MBD5: variants seen among roughly 807,000 people sequenced by gnomAD.
MBD5 encodes methyl-CpG binding domain protein 5.
A neutral mutation model predicts 117.3 loss-of-function variants in MBD5; 13 were observed. That is an observed-to-expected ratio of 0.11 (90% CI 0.07 to 0.18). The LOEUF is 0.18. MBD5 is among the 10% of genes least tolerant of loss of function. The probability of loss-of-function intolerance (pLI) is 1.00; values close to 1 mark genes in which losing one functional copy is unlikely to be tolerated. For missense variants in MBD5, 1,879 were observed against 2,093.8 expected (o/e 0.90, Z 2.00); for synonymous variants, 727 against 766.4 (o/e 0.95, Z 0.85).
At chr2:148,200,155 T>G (rs1456562721) in intron 2 of MBD5, among the ~76,000 whole-genome samples, 1 of 152,148 alleles carries the variant, frequency 6.6e-6, no homozygotes, top group Non-Finnish European at 1.5e-5. Context: ...CATTCTATTT[T>G]AAATTGCAGT....
chr2:148,210,263 T>A (rs1432164718), intron 2 of MBD5, among the ~76,000 whole-genome samples: 3 of 152,298 alleles, frequency 2.0e-5, no homozygotes, highest in African/African-American at 4.8e-5. Flanking sequence ...CAGTTGCTAC[T>A]ACTAAATTAT....
intron 3 of MBD5, among the ~76,000 whole-genome samples, chr2:148,303,455 A>G (rs1211146164): frequency 1.3e-5 from 2 of 152,216 alleles, no homozygotes; most frequent in Admixed American, 1.3e-4. Context: ...GGCAAAGACA[A>G]AGAGGAGTTT....
At chr2:148,467,566 T>G (rs544815067) in intron 7 of MBD5, among the ~76,000 whole-genome samples, 1 of 152,192 alleles carries the variant, frequency 6.6e-6, no homozygotes, top group South Asian at 2.1e-4. Flanking sequence ...TGCAGTCTTT[T>G]ACCTAAGTTG....
At chr2:148,066,632 C>T (rs535538500) in intron 1 of MBD5, among the ~76,000 whole-genome samples, 61 of 152,074 alleles carry the variant, frequency 4.0e-4, no homozygotes, top group African/African-American at 1.4e-3. Context: ...TGCACGCCAC[C>T]ATGCCCGGCT....
rs73003507 is a variant in MBD5, at chr2:148,491,810, G to C, written c.4962+1216G>C. Among the ~76,000 whole-genome samples the C allele has an allele frequency of 2.0e-5, 3 of 151,740 alleles. No homozygotes were observed. The East Asian group carries it at 5.8e-4, about 29-fold the overall frequency. On this transcript the variant is annotated intron_variant, in intron 11 of 13. Coordinates refer to ENST00000642680, the MANE Select transcript of MBD5 (RefSeq NM_001378120.1). ...TAGGTTGAAAAACCTAAATATTTTT[G>C]ACAGTTTATTCAAGAAATAATTAGA... is the stretch of plus-strand genomic sequence containing the variant.
At chr2:148,099,511 A>T (rs1696151372) in intron 1 of MBD5, among the ~76,000 whole-genome samples, 2 of 152,186 alleles carry the variant, frequency 1.3e-5, no homozygotes, top group South Asian at 4.1e-4. Context: ...GCTCTGGAAA[A>T]GTTCGGCAAT....
intron 3 of MBD5, among the ~76,000 whole-genome samples, chr2:148,233,999 G>T (rs567070916): frequency 6.6e-6 from 1 of 152,010 alleles, no homozygotes; most frequent in Non-Finnish European, 1.5e-5. Flanking sequence ...GAGCATCTGG[G>T]CAAGGATTGT....
Position 148,458,781 on chromosome 2 carries a change from A to G in MBD5, c.23A>G (p.Asp8Gly), listed in dbSNP as rs942246426. The G allele has an allele frequency of 1.2e-6, 2 of 1,613,556 alleles. No homozygotes were observed. The highest frequency in any genetic ancestry group is 3.3e-4 in the Middle Eastern group (2 of 6,056). Reference sequence around the variant, plus strand: ...AAAATGAATGGAGGCAAAGAGTGTGACGGAGGGGACAAGGAAGGAGGTCTT... The same window carrying G: ...AAAATGAATGGAGGCAAAGAGTGTGGCGGAGGGGACAAGGAAGGAGGTCTT... MNGGKEC[D>G]GGDKEGGLPA... Residue 8 changes from aspartate (D) to glycine (G), a missense_variant, in exon 5 of 14, where the codon GAC (aspartate) becomes GGC (glycine). Physicochemically the swap from Asp to Gly is moderately conservative, Grantham distance 94. Coordinates refer to ENST00000642680, the MANE Select transcript of MBD5 (RefSeq NM_001378120.1).
chr2:148,310,635 T>C (rs1702006534), intron 3 of MBD5, among the ~76,000 whole-genome samples: 2 of 152,196 alleles, frequency 1.3e-5, no homozygotes, highest in African/African-American at 4.8e-5. Flanking sequence ...GTTTTTCGTG[T>C]CTCTCTATCC....
intron 1 of MBD5, among the ~76,000 whole-genome samples, chr2:148,128,902 G>C (rs1696965775): frequency 6.6e-6 from 1 of 152,132 alleles, no homozygotes; most frequent in African/African-American, 2.4e-5. Flanking sequence ...GACAATTCTT[G>C]TTTCCTTAAG....
intron 4 of MBD5, among the ~76,000 whole-genome samples, chr2:148,381,254 G>A (rs558839967): frequency 4.6e-5 from 7 of 152,222 alleles, no homozygotes; most frequent in East Asian, 3.9e-4. Context: ...TAGAATAACC[G>A]ATGCAGAGAA....
intron 1 of MBD5, among the ~76,000 whole-genome samples, chr2:148,050,718 CAT>C (rs1694675034): frequency 6.6e-6 from 1 of 152,130 alleles, no homozygotes; most frequent in South Asian, 2.1e-4. Context: ...TAATCAAAGA[CAT>C]GTGGGTGTAT....
rs1360925424 is a variant in MBD5, at chr2:148,492,096, G to T, written c.4962+1502G>T. 1.3e-5 allele frequency among the ~76,000 whole-genome samples: 2 copies of T among 151,504 alleles called. 1 individual carries two copies. Among genetic ancestry groups the T allele is most frequent in the Non-Finnish European group, 2.9e-5 (2 of 67,906 alleles). ...TTTAACACATTTCACATTAAACAAT[G>T]GTCTAGATCTTCTGATTAATCTGTG... On this transcript the variant is annotated intron_variant, in intron 11 of 13. Coordinates refer to ENST00000642680, the MANE Select transcript of MBD5 (RefSeq NM_001378120.1).
intron 4 of MBD5, among the ~76,000 whole-genome samples, chr2:148,343,386 C>T (rs1438416508): frequency 1.3e-5 from 2 of 152,012 alleles, no homozygotes; most frequent in African/African-American, 2.4e-5. Flanking sequence ...TTTACATTCC[C>T]GCCAACAGTA....
intron 4 of MBD5, among the ~76,000 whole-genome samples, chr2:148,457,471 T>G (rs1166080351): frequency 6.6e-6 from 1 of 152,190 alleles, no homozygotes; most frequent in African/African-American, 2.4e-5. Context: ...GCCATGATTT[T>G]TTATTTAATA....
intron 3 of MBD5, among the ~76,000 whole-genome samples, chr2:148,251,073 G>A (rs1700453834): frequency 6.6e-6 from 1 of 151,778 alleles, no homozygotes; most frequent in Admixed American, 6.6e-5. Context: ...AGTGCTATAG[G>A]TACTAAAAAA....
chr2:148,157,325 T>C (rs12691778), intron 1 of MBD5, among the ~76,000 whole-genome samples: 63,543 of 149,328 alleles, frequency 0.43, 13,641 homozygotes, highest in Middle Eastern at 0.55. Flanking sequence ...GTGTGATGTT[T>C]CCCTCCCTGT....
chr2:148,349,335 G>C (rs2105218723), intron 4 of MBD5, among the ~76,000 whole-genome samples: 1 of 152,042 alleles, frequency 6.6e-6, no homozygotes, highest in Admixed American at 6.6e-5. Context: ...AGTCAGAATA[G>C]TGTTGGTATA....
chr2:148,334,478 G>A lies in MBD5; in HGVS notation c.-679-7736G>A, dbSNP rs149489279. ...CCCCCAAGCAGTTGAGACTACATGT[G>A]TGCGCCACTAAGCCTGACTCCTTTT... On this transcript the variant is annotated intron_variant, in intron 3 of 13. Coordinates refer to ENST00000642680, the MANE Select transcript of MBD5 (RefSeq NM_001378120.1). Among the ~76,000 whole-genome samples, 443 of 151,968 alleles carry A rather than the reference G, an allele frequency of 2.9e-3. 1 individual carries two copies. The highest frequency in any genetic ancestry group is 1.0e-2 in the African/African-American group (413 of 41,450).
Sources: gnomAD v4.1 joint callset for allele counts (sites outside exome capture counted in the v4.1 genomes callset) on GRCh38, gnomAD v4.1.1 for gene constraint, MANE v1.5 for transcripts, NCBI Gene and HGNC (gene_info 2026-07-23, HGNC 2026-07-21) for gene names.